POU6F2: variants seen among roughly 807,000 people sequenced by gnomAD.
The protein encoded by POU6F2 is POU class 6 homeobox 2, also known as POU domain, class 6, transcription factor 2.
POU6F2 carries 31 observed loss-of-function variants against 71.3 expected under a neutral mutation model. That is an observed-to-expected ratio of 0.43 (90% CI 0.33 to 0.59). The LOEUF (loss-of-function observed/expected upper bound fraction) is 0.59, where lower values mean the gene tolerates loss of function less well. Ranked by LOEUF, POU6F2 falls within the 20% of genes least tolerant of loss-of-function variation. POU6F2 has a pLI of 0.04. For missense variants in POU6F2, 783 were observed against 856.8 expected (o/e 0.91, Z 1.07); for synonymous variants, 347 against 355.7 (o/e 0.98, Z 0.27).
intron 7 of POU6F2, among the ~76,000 whole-genome samples, chr7:39,450,690 G>A (rs926508296): frequency 1.3e-5 from 2 of 152,044 alleles, no homozygotes; most frequent in Non-Finnish European, 2.9e-5. Flanking sequence ...ATTCTTCCTT[G>A]TGGCATCATA....
At chr7:38,989,801 TTGTGTGTGTGTGTGTGTGTGTGTGTTTG>T (rs1788556013) in intron 1 of POU6F2, among the ~76,000 whole-genome samples, 2 of 143,058 alleles carry the variant, frequency 1.4e-5, no homozygotes, top group Non-Finnish European at 3.1e-5. Flanking sequence ...CTGTGTGTGT[TTGTGTGTGTGTGTGTGTGTGTGTGTTTG>T]TGTGTGTGTG....
chr7:39,256,137 C>CT (rs36038117), intron 4 of POU6F2, among the ~76,000 whole-genome samples: 43 of 147,782 alleles, frequency 2.9e-4, no homozygotes, highest in Middle Eastern at 3.5e-3. Context: ...TGATACACTG[C>CT]TTTTTTTTTT....
At chr7:39,049,920 A>G (rs1482296871) in intron 1 of POU6F2, among the ~76,000 whole-genome samples, 3 of 151,984 alleles carry the variant, frequency 2.0e-5, no homozygotes, top group Non-Finnish European at 4.4e-5. Context: ...AGAAATGTCT[A>G]TTCACTGCTA....
chr7:39,251,940 A>C (rs960142791), intron 4 of POU6F2, among the ~76,000 whole-genome samples: 8 of 152,348 alleles, frequency 5.3e-5, no homozygotes, highest in African/African-American at 1.9e-4. Flanking sequence ...GGGACTCAAA[A>C]TATATGAAAG....
chr7:39,256,753 A>G (rs1234004867), intron 4 of POU6F2, among the ~76,000 whole-genome samples: 1 of 152,180 alleles, frequency 6.6e-6, no homozygotes, highest in Non-Finnish European at 1.5e-5. Flanking sequence ...AGACTGGCCC[A>G]GCCGCTGCTG....
rs554985835 is a variant in POU6F2 at position 39,230,722 on chromosome 7, T to C, written c.598+23102T>C. Among the ~76,000 whole-genome samples, 7 of 152,340 alleles carry C rather than the reference T, an allele frequency of 4.6e-5. No individual in the cohort carries two copies. The East Asian group carries it at 1.3e-3, about 29-fold the overall frequency. On this transcript the variant is annotated intron_variant, in intron 4 of 9. Transcript: ENST00000518318. Reference sequence around the variant, plus strand: ...GAATTGATACAAATAGTTTCTGCCATTCTTAAAATGAATAAGTGAAGGGAG... The same window carrying C: ...GAATTGATACAAATAGTTTCTGCCACTCTTAAAATGAATAAGTGAAGGGAG...
intron 1 of POU6F2, among the ~76,000 whole-genome samples, chr7:39,079,313 C>A (rs575965305): frequency 5.3e-5 from 8 of 151,558 alleles, no homozygotes; most frequent in South Asian, 2.1e-4. Flanking sequence ...CTTAGCCTCC[C>A]GAGTAGCTGG....
At position 39,234,631 on chromosome 7, in the gene POU6F2, T is replaced by C. The variant is rs557235689; in HGVS notation, c.598+27011T>C. Among the ~76,000 whole-genome samples, 3 of 152,328 alleles carry C rather than the reference T, an allele frequency of 2.0e-5. No individual in the cohort carries two copies. The East Asian group carries it at 5.8e-4, about 29-fold the overall frequency. ...TTTTGTGTTTTGTTTGTCTATTGGC[T>C]GCTTCATATGCAACCTATCTCTAGG... On this transcript the variant is annotated intron_variant, in intron 4 of 9. Coordinates refer to ENST00000518318, the MANE Select transcript of POU6F2 (RefSeq NM_001370959.1).
chr7:39,060,860 A>C (rs1365925818), intron 1 of POU6F2, among the ~76,000 whole-genome samples: 1 of 152,056 alleles, frequency 6.6e-6, no homozygotes, highest in African/African-American at 2.4e-5. Context: ...GATCACTTTA[A>C]CACAGGAGTT....
intron 2 of POU6F2, among the ~76,000 whole-genome samples, chr7:39,183,377 A>G (rs1311595662): frequency 6.6e-6 from 1 of 152,206 alleles, no homozygotes; most frequent in Non-Finnish European, 1.5e-5. Context: ...CGGAGGCCTC[A>G]GGAAACTTAC....
chr7:39,276,263 AAAG>A (rs1784436414), intron 4 of POU6F2, among the ~76,000 whole-genome samples: 1 of 152,154 alleles, frequency 6.6e-6, no homozygotes, highest in Admixed American at 6.5e-5. Flanking sequence ...ACACTTCTCA[AAAG>A]AAGACATTTA....
At chr7:39,316,292 T>C (rs1425934082) in intron 4 of POU6F2, among the ~76,000 whole-genome samples, 2 of 152,210 alleles carry the variant, frequency 1.3e-5, no homozygotes, top group African/African-American at 4.8e-5. Flanking sequence ...CTCTGAACAC[T>C]GGCAGGGACT....
chr7:39,409,523 T>C (rs868858235), intron 6 of POU6F2, among the ~76,000 whole-genome samples: 1 of 152,352 alleles, frequency 6.6e-6, no homozygotes, highest in African/African-American at 2.4e-5. Context: ...CTTGGAGCCA[T>C]GACTTAACCT....
chr7:39,208,398 C>G (rs1256249447), intron 4 of POU6F2, among the ~76,000 whole-genome samples: 1 of 152,038 alleles, frequency 6.6e-6, no homozygotes, highest in Non-Finnish European at 1.5e-5. Flanking sequence ...TTGGACTAGT[C>G]AAAGATGTTT....
intron 2 of POU6F2, among the ~76,000 whole-genome samples, chr7:39,129,711 G>A (rs1792219107): frequency 6.6e-6 from 1 of 151,994 alleles, no homozygotes; most frequent in Non-Finnish European, 1.5e-5. Context: ...CAATTTGAAG[G>A]ATTTATCTTT....
rs367701044 is a variant in POU6F2, at chr7:39,012,210, T to G, written c.105+34152T>G. Among the ~76,000 whole-genome samples the G allele has an allele frequency of 6.6e-5, 10 of 151,894 alleles. No individual in the cohort carries two copies. The East Asian group carries it at 7.8e-4, about 12-fold the overall frequency. On this transcript the variant is annotated intron_variant, in intron 1 of 9. Transcript: ENST00000518318. ...TCACATAGTCCCATATTTCTTGGAG[T>G]CTTTGCTCATTTCTTTTTATTCTTT... is the stretch of plus-strand genomic sequence containing the variant.
At position 39,402,015 on chromosome 7, in the gene POU6F2, G is replaced by A. The variant is rs570627213; in HGVS notation, c.973-4585G>A. ...CATGCTGCCGTATTTTTGTACATGA[G>A]ATTTATAATAATAGAATCATATAAT... On this transcript the variant is annotated intron_variant, in intron 5 of 9. Coordinates refer to ENST00000518318, the MANE Select transcript of POU6F2 (RefSeq NM_001370959.1). 2.0e-5 allele frequency among the ~76,000 whole-genome samples: 3 copies of A among 152,268 alleles called. No homozygotes were observed. In the South Asian group the frequency reaches 6.2e-4, roughly 32 times the overall value.
chr7:39,139,550 T>A (rs1792454927), intron 2 of POU6F2, among the ~76,000 whole-genome samples: 1 of 152,232 alleles, frequency 6.6e-6, no homozygotes, highest in Admixed American at 6.5e-5. Flanking sequence ...TTTGCTGTTT[T>A]CCAATCCTAA....
intron 1 of POU6F2, chr7:39,034,404 G>T: frequency 3.0e-6 from 1 of 337,306 alleles, no homozygotes; most frequent in South Asian, 2.2e-5. Flanking sequence ...GGCAGATAGA[G>T]AAGAAAATGA....
Sources: gnomAD v4.1 joint callset for allele counts (sites outside exome capture counted in the v4.1 genomes callset) on GRCh38, gnomAD v4.1.1 for gene constraint, MANE v1.5 for transcripts, NCBI Gene and HGNC (gene_info 2026-07-23, HGNC 2026-07-21) for gene names.